ARMC3: variants seen among roughly 807,000 people sequenced by gnomAD.
The protein encoded by ARMC3 is armadillo repeat-containing protein 3.
A neutral mutation model predicts 90.3 loss-of-function variants in ARMC3; 74 were observed. The ratio of observed to expected loss-of-function variants is 0.82; its 90% CI spans 0.68 to 0.99. The LOEUF is 0.99. Among genes scored for constraint, ARMC3 ranks in the 50% least tolerant of loss-of-function variants. The pLI, the probability that ARMC3 is intolerant of heterozygous loss-of-function variation, is 0.00. For synonymous variants in ARMC3, 334 were observed against 361.8 expected, an observed-to-expected ratio of 0.92 and a Z score of 0.87; for missense variants, 958 against 1,042.8, an observed-to-expected ratio of 0.92 and a Z score of 1.12.
At chr10:22,979,793 C>T (rs1386763605) in intron 8 of ARMC3, among the ~76,000 whole-genome samples, 1 of 151,962 alleles carries the variant, frequency 6.6e-6, no homozygotes, top group Non-Finnish European at 1.5e-5. Flanking sequence ...AAAGTTATGG[C>T]CTGCCTGAAT....
intron 7 of ARMC3, among the ~76,000 whole-genome samples, chr10:22,963,285 AT>A (rs1312001590): frequency 6.6e-6 from 1 of 152,194 alleles, no homozygotes; most frequent in Non-Finnish European, 1.5e-5. Context: ...TATACCTATT[AT>A]AGTGTTAATC....
At chr10:23,016,858 T>C (rs1838296922) in intron 16 of ARMC3, among the ~76,000 whole-genome samples, 1 of 152,230 alleles carries the variant, frequency 6.6e-6, no homozygotes, top group Non-Finnish European at 1.5e-5. Flanking sequence ...GACACACTCC[T>C]GCCTCTGTTT....
intron 10 of ARMC3, among the ~76,000 whole-genome samples, chr10:22,989,798 T>C (rs1280829644): frequency 6.6e-6 from 1 of 152,220 alleles, no homozygotes; most frequent in Non-Finnish European, 1.5e-5. Flanking sequence ...CCTAGATTCC[T>C]CCCTGTCTGA....
chr10:22,980,707 G>A (rs967055406), intron 8 of ARMC3, among the ~76,000 whole-genome samples: 10 of 152,066 alleles, frequency 6.6e-5, no homozygotes, highest in African/African-American at 2.4e-4. Flanking sequence ...TAAATGGGAT[G>A]AATATAATGG....
chr10:22,985,254 T>C (rs1294073301), intron 10 of ARMC3, among the ~76,000 whole-genome samples: 1 of 152,044 alleles, frequency 6.6e-6, no homozygotes, highest in Non-Finnish European at 1.5e-5. Flanking sequence ...AAGTTATGGT[T>C]GCCATTTTGA....
chr10:22,971,448 T>C (rs377139653), intron 8 of ARMC3, among the ~76,000 whole-genome samples: 2 of 150,066 alleles, frequency 1.3e-5, no homozygotes, highest in African/African-American at 4.9e-5. Context: ...TTAGTTTTTT[T>C]TTTTTTTTTT....
chr10:23,010,544 G>GTTC (rs138065875), intron 16 of ARMC3, among the ~76,000 whole-genome samples: 64,559 of 73,576 alleles, frequency 0.88, 28,649 homozygotes, highest in Non-Finnish European at 0.92. Flanking sequence ...TCCCTTCCCT[G>GTTC]TTCTCTTCTT....
intron 16 of ARMC3, among the ~76,000 whole-genome samples, chr10:23,024,391 C>CATATAGATAGATAGAT (rs747069779): frequency 1.5e-5 from 2 of 134,546 alleles, no homozygotes; most frequent in African/African-American, 5.4e-5. Flanking sequence ...AGAGGAATGC[C>CATATAGATAGATAGAT]ACATAGATAG....
intron 1 of ARMC3, among the ~76,000 whole-genome samples, chr10:22,930,909 A>T (rs1223307729): frequency 1.3e-5 from 2 of 151,764 alleles, no homozygotes; most frequent in Non-Finnish European, 2.9e-5. Context: ...GGTTATTCTA[A>T]TAGACATTAA....
At chr10:23,033,583 G>A (rs1280810699) in intron 18 of ARMC3, among the ~76,000 whole-genome samples, 4 of 152,172 alleles carry the variant, frequency 2.6e-5, no homozygotes, top group Admixed American at 2.0e-4. Flanking sequence ...GAGGAAAAGA[G>A]GAGGGGCGAA....
intron 18 of ARMC3, among the ~76,000 whole-genome samples, chr10:23,033,598 A>G (rs1839008287): frequency 6.6e-6 from 1 of 152,232 alleles, no homozygotes; most frequent in Admixed American, 6.5e-5. Flanking sequence ...GGCGAATGCT[A>G]GATCATAACG....
chr10:22,937,926 C>T (rs1834175067), intron 2 of ARMC3, among the ~76,000 whole-genome samples: 1 of 152,130 alleles, frequency 6.6e-6, no homozygotes, highest in African/African-American at 2.4e-5. Flanking sequence ...GAGTGCCTAC[C>T]ATATGCAAGC....
intron 16 of ARMC3, among the ~76,000 whole-genome samples, chr10:23,010,894 CCTTCCCTTCCTTCCCCTCTT>C (rs1837966964): frequency 1.1e-4 from 5 of 47,244 alleles, no homozygotes; most frequent in South Asian, 8.0e-4. Flanking sequence ...CCCTCCCACT[CCTTCCCTTCCTTCCCCTCTT>C]CTTCCCTTCC....
intron 14 of ARMC3, among the ~76,000 whole-genome samples, chr10:23,007,855 A>G (rs1018971758): frequency 2.0e-5 from 3 of 152,106 alleles, no homozygotes; most frequent in Non-Finnish European, 2.9e-5. Context: ...TATAATCCCA[A>G]CCCTTTGTGA....
rs371020957 is a variant in ARMC3, at chr10:22,981,537, G to A, written c.1069+45G>A. 3.6e-5 allele frequency: 58 copies of A among 1,613,018 alleles called. No homozygotes were observed. In the African/African-American group the frequency reaches 5.5e-4, roughly 15 times the overall value. ...TTCTTTTGAGCATTTTTAGGTTACC[G>A]TATTTTAGTGCACATGGGCATTTTA... is the stretch of plus-strand genomic sequence containing the variant. On this transcript the variant is annotated intron_variant, in intron 9 of 18. Transcript: ENST00000298032.
At chr10:23,033,066 C>A in intron 18 of ARMC3, 43 bp downstream of exon 18, 1 of 1,595,192 alleles carries the variant, frequency 6.3e-7, no homozygotes, top group Admixed American at 1.7e-5. Context: ...AGTAAAAATG[C>A]TTTGTCTTTA....
chr10:23,010,941 T>G (rs1285380820), intron 16 of ARMC3, among the ~76,000 whole-genome samples: 2 of 114,340 alleles, frequency 1.7e-5, no homozygotes, highest in Non-Finnish European at 3.7e-5. Flanking sequence ...CTTCCTTCCT[T>G]TCCCTTCCCT....
rs1835548055 is a variant in ARMC3, at chr10:22,968,620, G to T, written c.916+131G>T. 6.4e-6 allele frequency: 5 copies of T among 784,268 alleles called. No individual in the cohort carries two copies. In the East Asian group the frequency reaches 1.5e-4, roughly 23 times the overall value. 48.6% of individuals were successfully genotyped at this position (784,268 alleles called of 1,614,324 possible). A position where few individuals can be genotyped will look rare whatever the true frequency, so the allele number is the denominator to read the frequency against. ...GGTTACAAGTGATTCTCCCACCTCA[G>T]CCTTCCTAGTAGCTGGGACTACAGG... On this transcript the variant is annotated intron_variant, in intron 8 of 18. Coordinates refer to ENST00000298032, the MANE Select transcript of ARMC3 (RefSeq NM_173081.5).
chr10:23,030,854 A>G, intron 17 of ARMC3, 58 bp downstream of exon 17: 2 of 1,557,242 alleles, frequency 1.3e-6, no homozygotes, highest in Non-Finnish European at 1.7e-6. Flanking sequence ...AGTGTCATAT[A>G]CATTTTAGCC....
Sources: allele counts gnomAD v4.1 joint callset (sites outside exome capture counted in the v4.1 genomes callset), GRCh38; gene constraint gnomAD v4.1.1; transcripts MANE v1.5; gene names NCBI Gene and HGNC (gene_info 2026-07-23, HGNC 2026-07-21).